The following HOXB13 variants were observed in gnomAD, a reference collection of about 807,000 sequenced individuals.
HOXB13 encodes the protein homeobox protein Hox-B13.
A neutral mutation model predicts 23.1 loss-of-function variants in HOXB13; 22 were observed. That is an observed-to-expected ratio of 0.95 (90% CI 0.68 to 1.36). The LOEUF (loss-of-function observed/expected upper bound fraction) is 1.36, where lower values mean the gene tolerates loss of function less well. Ranked by LOEUF, HOXB13 falls within the 40% of genes most tolerant of loss-of-function variation. HOXB13 has a pLI of 0.00. For synonymous variants in HOXB13, 173 were observed against 157.9 expected (o/e 1.10, Z -0.72); for missense variants, 386 against 376.2 (o/e 1.03, Z -0.22).
Position 48,725,962 on chromosome 17 carries a change from TG to T in HOXB13, c.*827del, listed in dbSNP as rs2143061858. ...GCAAGGCTACAAACATCTACTTCAC[TG>T]GGATCCCAAATGCTCAACAAACCAT... On this transcript the variant is annotated 3_prime_UTR_variant, in exon 2 of 2. Transcript: ENST00000290295. The T allele has an allele frequency of 6.6e-6, 1 of 152,406 alleles. No homozygotes were observed. The highest frequency in any genetic ancestry group is 1.5e-5 in the Non-Finnish European group (1 of 68,064). The allele number at this position is 152,406 out of a possible 1,614,324, so 9.4% of individuals were successfully genotyped here.
rs368411572 is a variant in HOXB13 at position 48,725,555 on chromosome 17, C to T, written c.*1235G>A. 10 of 152,220 alleles carry T rather than the reference C, an allele frequency of 6.6e-5. No individual in the cohort carries two copies. The highest frequency in any genetic ancestry group is 1.9e-4 in the African/African-American group (8 of 41,424). 9.4% of individuals were successfully genotyped at this position (152,220 alleles called of 1,614,324 possible). On this transcript the variant is annotated 3_prime_UTR_variant, in exon 2 of 2. Transcript: ENST00000290295. ...CCACCACCAACTGCTCGCCACCGAC[C>T]CCACTACTCGCCACCGACCCGCTGC... is the stretch of plus-strand genomic sequence containing the variant.
chr17:48,728,322 C>T lies in HOXB13; in HGVS notation c.272G>A (p.Arg91Gln). The change falls in exon 1 of 2, where the codon CGA becomes CAA. Residue 91 changes from arginine to glutamine, a missense_variant. Physicochemically the swap from Arg to Gln is conservative, Grantham distance 43. Coordinates refer to ENST00000290295, the MANE Select transcript of HOXB13 (RefSeq NM_006361.6). The part of the protein sequence containing the change: ...GYFGGGYYSC[R>Q]VSRSSLKPCA... ...GGGTTTCAGCGAGCTCCGGGACACT[C>T]GGCAGGAGTAGTACCCGCCTCCAAA... The T allele has an allele frequency of 6.2e-7, 1 of 1,613,952 alleles. No individual in the cohort carries two copies. The highest frequency in any genetic ancestry group is 8.5e-7 in the Non-Finnish European group (1 of 1,180,004).
chr17:48,728,626 C>A lies in HOXB13; in HGVS notation c.-33G>T, dbSNP rs1237289473. On this transcript the variant is annotated 5_prime_UTR_variant, in exon 1 of 2. Coordinates refer to ENST00000290295, the MANE Select transcript of HOXB13 (RefSeq NM_006361.6). ...AGGGTCGGCTCATGAGGTGCGGGGG[C>A]GGGGAATCTAGGGGGCACCCAGCTC... The A allele has an allele frequency of 2.0e-5, 32 of 1,607,914 alleles. No individual in the cohort carries two copies. The highest frequency in any genetic ancestry group is 2.7e-5 in the Non-Finnish European group (32 of 1,178,526).
Position 48,726,682 on chromosome 17 carries a change from T to C in HOXB13, c.*108A>G, listed in dbSNP as rs1597932173. 7.2e-7 allele frequency: 1 copy of C among 1,384,262 alleles called. No individual in the cohort carries two copies. The highest frequency in any genetic ancestry group is 1.4e-5 in the African/African-American group (1 of 69,190). The allele number at this position is 1,384,262 out of a possible 1,614,324, so 85.7% of individuals were successfully genotyped here. A position where few individuals can be genotyped will look rare whatever the true frequency, so the allele number is the denominator to read the frequency against. On this transcript the variant is annotated 3_prime_UTR_variant, in exon 2 of 2. Transcript: ENST00000290295. ...CCAGTGGCCTGGGAAGGGTGTTGTC[T>C]CTAGGGGCCTCTCAGCAGAGTCCTT...
In HOXB13 at chr17:48,726,843, G is replaced by A. The variant is rs768168209; in HGVS notation, c.802C>T (p.Arg268Trp). ...GCGAGAACCTTCTTCTCTTTGACCC[G>A]GCGGTTCTGAAACCAGATGGTAATC... is the stretch of plus-strand genomic sequence containing the variant. The part of the protein sequence containing the change: ...RQITIWFQNR[R>W]VKEKKVLAKV... Residue 268 changes from arginine to tryptophan, a missense_variant, in exon 2 of 2, where the codon CGG becomes TGG. Arg to Trp is a moderately radical substitution (Grantham distance 101, BLOSUM62 -3). Coordinates refer to ENST00000290295, the MANE Select transcript of HOXB13 (RefSeq NM_006361.6). The A allele has an allele frequency of 4.3e-6, 7 of 1,614,120 alleles. No homozygotes were observed. The highest frequency in any genetic ancestry group is 5.1e-6 in the Non-Finnish European group (6 of 1,180,012).
In HOXB13 at chr17:48,726,221, G is replaced by C. The variant is rs938087995; in HGVS notation, c.*569C>G. On this transcript the variant is annotated 3_prime_UTR_variant, in exon 2 of 2. Coordinates refer to ENST00000290295, the MANE Select transcript of HOXB13 (RefSeq NM_006361.6). ...ACCCTATGGGGTGGACAAGGAGGGA[G>C]GAAGAGACAGCCTCTACAATTGTCC... The C allele has an allele frequency of 6.5e-6, 1 of 154,426 alleles. No homozygotes were observed. Among genetic ancestry groups the C allele is most frequent in the East Asian group, 1.9e-4 (1 of 5,224 alleles). 9.6% of individuals were successfully genotyped at this position (154,426 alleles called of 1,614,324 possible).
chr17:48,726,846 G>C lies in HOXB13; in HGVS notation c.799C>G (p.Arg267Gly), dbSNP rs778197145. 2.5e-6 allele frequency: 4 copies of C among 1,614,022 alleles called. No homozygotes were observed. The highest frequency in any genetic ancestry group is 2.5e-6 in the Non-Finnish European group (3 of 1,180,044). Residue 267 changes from arginine to glycine, a missense_variant, in exon 2 of 2, where the codon CGC becomes GGC. Transcript: ENST00000290295. The stretch of plus-strand genomic sequence containing the variant: ...AGAACCTTCTTCTCTTTGACCCGGC[G>C]GTTCTGAAACCAGATGGTAATCTGG... ...ERQITIWFQN[R>G]RVKEKKVLAK...
intron 1 of HOXB13, among the ~76,000 whole-genome samples, chr17:48,727,361 C>T (rs1232072829): frequency 6.6e-6 from 1 of 152,164 alleles, no homozygotes; most frequent in African/African-American, 2.4e-5. Context: ...AGTCTTCATG[C>T]ATTTCCAGAC....
Position 48,724,851 on chromosome 17 carries a change from T to C in HOXB13, c.*1939A>G, listed in dbSNP as rs1316133153. The C allele has an allele frequency of 2.2e-6, 1 of 451,120 alleles. No individual in the cohort carries two copies. The highest frequency in any genetic ancestry group is 3.6e-6 in the Non-Finnish European group (1 of 276,014). The allele number at this position is 451,120 out of a possible 1,614,324, so 27.9% of individuals were successfully genotyped here. Reference sequence around the variant, plus strand: ...ATAGCAGAGTGTGGGAGTTAGAGCATGGGGAGTCCAGAGGTTCCAGACCCC... The same window carrying C: ...ATAGCAGAGTGTGGGAGTTAGAGCACGGGGAGTCCAGAGGTTCCAGACCCC... On this transcript the variant is annotated 3_prime_UTR_variant, in exon 2 of 2. Coordinates refer to ENST00000290295, the MANE Select transcript of HOXB13 (RefSeq NM_006361.6).
At position 48,728,576 on chromosome 17, in the gene HOXB13, A is replaced by G. The variant is rs1337454597; in HGVS notation, c.18T>C (p.Tyr6=). The change falls in exon 1 of 2, where the codon TAT becomes TAC. Residue 6 remains tyrosine (Y), a synonymous_variant. Coordinates refer to ENST00000290295, the MANE Select transcript of HOXB13 (RefSeq NM_006361.6). MEPGN[Y]ATLDGAKDIE... Reference sequence around the variant, plus strand: ...TATCCTTGGCTCCATCCAAGGTGGCATAATTGCCGGGCTCCATGGAGCCGA... The same window carrying G: ...TATCCTTGGCTCCATCCAAGGTGGCGTAATTGCCGGGCTCCATGGAGCCGA... 1.2e-6 allele frequency: 2 copies of G among 1,612,232 alleles called. No individual in the cohort carries two copies. Among genetic ancestry groups the G allele is most frequent in the Non-Finnish European group, 1.7e-6 (2 of 1,179,924 alleles).
At position 48,724,790 on chromosome 17, in the gene HOXB13, T is replaced by C; in HGVS notation, c.*2000A>G. 1 of 694,234 alleles carries C rather than the reference T, an allele frequency of 1.4e-6. No homozygotes were observed. Among genetic ancestry groups the C allele is most frequent in the South Asian group, 7.7e-5 (1 of 12,922 alleles). The allele number at this position is 694,234 out of a possible 1,614,324, so 43.0% of individuals were successfully genotyped here. Reference sequence around the variant, plus strand: ...TTGTTTGCTCTGAATTTATTGCGAGTGAAAAACAGAGAAAATCCTCAAGTT... The same window carrying C: ...TTGTTTGCTCTGAATTTATTGCGAGCGAAAAACAGAGAAAATCCTCAAGTT... On this transcript the variant is annotated 3_prime_UTR_variant, in exon 2 of 2. Coordinates refer to ENST00000290295, the MANE Select transcript of HOXB13 (RefSeq NM_006361.6).
In HOXB13 at chr17:48,728,375, C is replaced by T. The variant is rs776203446; in HGVS notation, c.219G>A (p.Thr73=). 4 of 1,613,900 alleles carry T rather than the reference C, an allele frequency of 2.5e-6. No individual in the cohort carries two copies. In the Admixed American group the frequency reaches 6.7e-5, roughly 27 times the overall value. Residue 73 remains threonine (T), a synonymous_variant, in exon 1 of 2, where the codon ACG becomes ACA. Transcript: ENST00000290295. The part of the protein sequence containing the change: ...CHPCPGVPQG[T]SPAPVPYGYF... ...AACCATAAGGCACGGGAGCTGGGGA[C>T]GTCCCCTGGGGCACCCCAGGGCATG...
rs1289079248 is a variant in HOXB13, at chr17:48,725,414, G to A, written c.*1376C>T. 2.6e-5 allele frequency: 4 copies of A among 152,178 alleles called. No individual in the cohort carries two copies. Among genetic ancestry groups the A allele is most frequent in the African/African-American group, 9.7e-5 (4 of 41,444 alleles). The allele number at this position is 152,178 out of a possible 1,614,324, so 9.4% of individuals were successfully genotyped here. A position where few individuals can be genotyped will look rare whatever the true frequency, so the allele number is the denominator to read the frequency against. ...CACTCCTTCCCAGGAGAGGAGACAG[G>A]GCTAGGATCCCACCCGACCGCGGGC... On this transcript the variant is annotated 3_prime_UTR_variant, in exon 2 of 2. Coordinates refer to ENST00000290295, the MANE Select transcript of HOXB13 (RefSeq NM_006361.6).
Position 48,728,082 on chromosome 17 carries a change from G to C in HOXB13, c.512C>G (p.Ser171Cys). The C allele has an allele frequency of 6.2e-7, 1 of 1,614,230 alleles. No homozygotes were observed. The highest frequency in any genetic ancestry group is 8.5e-7 in the Non-Finnish European group (1 of 1,180,046). ...GTTCCAGCCACCAGCGAGAGCCCAA[G>C]ACTGGTAACTGTCCACAGGCAACAG... Reference protein sequence around the residue: ...DSLLPVDSYQSWALAGGWNSQ... With the variant: ...DSLLPVDSYQCWALAGGWNSQ... The change falls in exon 1 of 2, where the codon TCT becomes TGT. Residue 171 changes from serine (S) to cysteine (C), a missense_variant. Coordinates refer to ENST00000290295, the MANE Select transcript of HOXB13 (RefSeq NM_006361.6).
rs1241042961 is a variant in HOXB13, at chr17:48,728,118, C to G, written c.476G>C (p.Arg159Pro). The G allele has an allele frequency of 6.2e-7, 1 of 1,614,196 alleles. No individual in the cohort carries two copies. Among genetic ancestry groups the G allele is most frequent in the Admixed American group, 1.7e-5 (1 of 60,026 alleles). Residue 159 changes from arginine to proline, a missense_variant, in exon 1 of 2, where the codon CGA (arginine) becomes CCA (proline). Coordinates refer to ENST00000290295, the MANE Select transcript of HOXB13 (RefSeq NM_006361.6). ...VQTLGAPGEP[R>P]HDSLLPVDSY... ...GTCCACAGGCAACAGGGAGTCATGTCGCGGTTCTCCAGGAGCACCCAGAGT... is the reference window on the plus strand; with the variant it reads ...GTCCACAGGCAACAGGGAGTCATGTGGCGGTTCTCCAGGAGCACCCAGAGT...
In HOXB13 at chr17:48,728,363, G is replaced by T. The variant is rs770545259; in HGVS notation, c.231C>A (p.Pro77=). Reference sequence around the variant, plus strand: ...CGCCTCCAAAGTAACCATAAGGCACGGGAGCTGGGGACGTCCCCTGGGGCA... The same window carrying T: ...CGCCTCCAAAGTAACCATAAGGCACTGGAGCTGGGGACGTCCCCTGGGGCA... ...PGVPQGTSPA[P]VPYGYFGGGY... The change falls in exon 1 of 2, where the codon CCC becomes CCA. Residue 77 remains proline (P), a synonymous_variant. Transcript: ENST00000290295. 6.2e-7 allele frequency: 1 copy of T among 1,613,944 alleles called. No homozygotes were observed. Among genetic ancestry groups the T allele is most frequent in the South Asian group, 1.1e-5 (1 of 91,084 alleles).
In HOXB13 at chr17:48,728,364, G is replaced by A. The variant is rs1393931736; in HGVS notation, c.230C>T (p.Pro77Leu). The A allele has an allele frequency of 6.2e-7, 1 of 1,613,988 alleles. No homozygotes were observed. Among genetic ancestry groups the A allele is most frequent in the Admixed American group, 1.7e-5 (1 of 60,030 alleles). Residue 77 changes from proline (P) to leucine (L), a missense_variant, in exon 1 of 2, where the codon CCC (proline) becomes CTC (leucine). Physicochemically the swap from Pro to Leu is moderately conservative, Grantham distance 98 (BLOSUM62 -3). Coordinates refer to ENST00000290295, the MANE Select transcript of HOXB13 (RefSeq NM_006361.6). ...GCCTCCAAAGTAACCATAAGGCACG[G>A]GAGCTGGGGACGTCCCCTGGGGCAC... Reference protein sequence around the residue: ...PGVPQGTSPAPVPYGYFGGGY... With the variant: ...PGVPQGTSPALVPYGYFGGGY...
Position 48,726,317 on chromosome 17 carries a change from C to A in HOXB13, c.*473G>T, listed in dbSNP as rs543028086. On this transcript the variant is annotated 3_prime_UTR_variant, in exon 2 of 2. Coordinates refer to ENST00000290295, the MANE Select transcript of HOXB13 (RefSeq NM_006361.6). ...GCCACACAACGAATCTGCCCGTTCCCCTCTCCTCAGTCTTCCTGCTGTTAC... is the reference window on the plus strand; with the variant it reads ...GCCACACAACGAATCTGCCCGTTCCACTCTCCTCAGTCTTCCTGCTGTTAC... The A allele has an allele frequency of 6.3e-6, 1 of 159,158 alleles. No homozygotes were observed. The highest frequency in any genetic ancestry group is 1.9e-4 in the South Asian group (1 of 5,308). The allele number at this position is 159,158 out of a possible 1,614,324, so 9.9% of individuals were successfully genotyped here.
In HOXB13 at chr17:48,726,736, G is replaced by C. The variant is rs144967504; in HGVS notation, c.*54C>G. On this transcript the variant is annotated 3_prime_UTR_variant, in exon 2 of 2. Transcript: ENST00000290295. ...CCCAGCCTGGGCTTGGCAGGTTCCT[G>C]GTCTCCCCAGGACACCCCCACTTTC... The C allele has an allele frequency of 1.4e-5, 23 of 1,594,280 alleles. No individual in the cohort carries two copies. Among genetic ancestry groups the C allele is most frequent in the Non-Finnish European group, 2.0e-5 (23 of 1,169,024 alleles).
Sources: allele counts gnomAD v4.1 joint callset (sites outside exome capture counted in the v4.1 genomes callset), GRCh38; gene constraint gnomAD v4.1.1; transcripts MANE v1.5; gene names NCBI Gene and HGNC (gene_info 2026-07-23, HGNC 2026-07-21).